Variants in EIF5 observed in about 807,000 individuals in gnomAD.
The protein encoded by EIF5 is eukaryotic translation initiation factor 5.
In EIF5, 10 loss-of-function variants were observed where a neutral mutation model predicts 48.3. The ratio of observed to expected loss-of-function variants is 0.21; its 90% CI spans 0.13 to 0.35. EIF5 has a LOEUF of 0.35. Among genes scored for constraint, EIF5 ranks in the 10% least tolerant of loss-of-function variants. The probability of loss-of-function intolerance (pLI) is 1.00; values close to 1 mark genes in which losing one functional copy is unlikely to be tolerated. For missense variants in EIF5, 397 were observed against 533.2 expected, an observed-to-expected ratio of 0.74 and a Z score of 2.51; for synonymous variants, 237 against 173.1, an observed-to-expected ratio of 1.37 and a Z score of -2.90.
chr14:103,338,978 A>T (rs2089321601), intron 8 of EIF5, 85 bp downstream of exon 8: 2 of 1,528,208 alleles, frequency 1.3e-6, no homozygotes, highest in Non-Finnish European at 1.8e-6. Context: ...CAGTGTAATT[A>T]GGATTACTCT....
rs61730315 is a variant in EIF5 at position 103,338,455 on chromosome 14, C to T, written c.568C>T (p.Pro190Ser). The change falls in exon 7 of 12, where the codon CCT becomes TCT. Residue 190 changes from proline (P) to serine (S), a missense_variant. Physicochemically the swap from Pro to Ser is moderately conservative, Grantham distance 74 (BLOSUM62 -1). Around this residue, in one of 4 missense-constraint regions of EIF5, gnomAD observed 126 missense variants for 141.9 expected, o/e 0.89. Transcript: ENST00000216554. ...ACCACCACCACCAAATGAAATTAAT[C>T]CTCCTCCACATACAATGGTGAGTGC... ...PPPPPPNEINPPPHTMEEEED... is the reference protein window; with the variant it reads ...PPPPPPNEINSPPHTMEEEED... 11 of 1,574,996 alleles carry T rather than the reference C, an allele frequency of 7.0e-6. No individual in the cohort carries two copies. The Admixed American group carries it at 1.5e-4, about 21-fold the overall frequency.
At chr14:103,337,568 C>T (rs2089302271) in intron 6 of EIF5, 3 of 352,252 alleles carry the variant, frequency 8.5e-6, no homozygotes, top group Non-Finnish European at 1.6e-5. Context: ...TGCCACTGCA[C>T]TCCAGCTTGG....
rs1010383211 is a variant in EIF5, at chr14:103,343,888, T to C, written c.*2836T>C. On this transcript the variant is annotated 3_prime_UTR_variant, in exon 12 of 12. Coordinates refer to ENST00000216554, the MANE Select transcript of EIF5 (RefSeq NM_001969.5). ...ATCCTTATCTAACCAGCTATTTTCT[T>C]AATTGCTACAGCTTGACCTACCAGT... 1 of 152,246 alleles carries C rather than the reference T, an allele frequency of 6.6e-6. No homozygotes were observed. The highest frequency in any genetic ancestry group is 6.5e-5 in the Admixed American group (1 of 15,282). The allele number at this position is 152,246 out of a possible 1,614,324, so 9.4% of individuals were successfully genotyped here. A position where few individuals can be genotyped will look rare whatever the true frequency, so the allele number is the denominator to read the frequency against.
Position 103,344,285 on chromosome 14 carries a change from A to G in EIF5, c.*3233A>G, listed in dbSNP as rs913179413. 2.0e-5 allele frequency: 3 copies of G among 152,130 alleles called. No homozygotes were observed. The highest frequency in any genetic ancestry group is 7.2e-5 in the African/African-American group (3 of 41,408). 9.4% of individuals were successfully genotyped at this position (152,130 alleles called of 1,614,324 possible). On this transcript the variant is annotated 3_prime_UTR_variant, in exon 12 of 12. Coordinates refer to ENST00000216554, the MANE Select transcript of EIF5 (RefSeq NM_001969.5). The stretch of plus-strand genomic sequence containing the variant: ...CAAACAGTTTTTTTCTGGGAATCAA[A>G]TTTCTGTGGTTTTTATGGCCAGAAA...
chr14:103,344,170 CATT>C lies in EIF5; in HGVS notation c.*3119_*3121del, dbSNP rs1309573095. On this transcript the variant is annotated 3_prime_UTR_variant, in exon 12 of 12. Coordinates refer to ENST00000216554, the MANE Select transcript of EIF5 (RefSeq NM_001969.5). ...ACAGCAAATGACTTGCAGGTAGTCTCATTGTAGGTTTGTGCACCAGAGTGACCC... is the reference window on the plus strand; with the variant it reads ...ACAGCAAATGACTTGCAGGTAGTCTCGTAGGTTTGTGCACCAGAGTGACCC... 1.3e-5 allele frequency: 2 copies of C among 152,184 alleles called. No homozygotes were observed. The highest frequency in any genetic ancestry group is 2.9e-5 in the Non-Finnish European group (2 of 68,054). 9.4% of individuals were successfully genotyped at this position (152,184 alleles called of 1,614,324 possible). A position where few individuals can be genotyped will look rare whatever the true frequency, so the allele number is the denominator to read the frequency against.
chr14:103,338,702 CCTT>C (rs755013187), intron 7 of EIF5, 30 bp from the exon 8 acceptor site: 1 of 1,601,678 alleles, frequency 6.2e-7, no homozygotes, highest in Non-Finnish European at 8.5e-7. Flanking sequence ...GTTTTTAAGG[CCTT>C]TGATCAAGTA....
chr14:103,336,370 CAGG>C (rs1440899997), intron 4 of EIF5: 1 of 580,216 alleles, frequency 1.7e-6, no homozygotes, highest in African/African-American at 1.9e-5. Context: ...ATCGCGAGGT[CAGG>C]AGTTCTAGAC....
In EIF5 at chr14:103,339,590, A is replaced by G. The variant is rs765181042; in HGVS notation, c.907-49A>G. The G allele has an allele frequency of 5.0e-6, 8 of 1,611,234 alleles. 1 individual carries two copies. The South Asian group carries it at 5.5e-5, about 11-fold the overall frequency. ...TCTTATTTGGGTAATAGAGTTGTCA[A>G]CTTAGAACACATAAAAAAGATTGTT... is the stretch of plus-strand genomic sequence containing the variant. On this transcript the variant is annotated intron_variant, in intron 9 of 11. Transcript: ENST00000216554.
chr14:103,340,916 A>G (rs771191509), intron 11 of EIF5, 47 bp from the exon 12 acceptor site: 2 of 1,575,014 alleles, frequency 1.3e-6, no homozygotes, highest in South Asian at 1.1e-5. Flanking sequence ...TTTGTTTTAT[A>G]AACAGATTTA....
rs751605177 is a variant in EIF5, at chr14:103,335,951, A to G, written c.72+19A>G. 6.2e-7 allele frequency: 1 copy of G among 1,614,100 alleles called. No individual in the cohort carries two copies. Among genetic ancestry groups the G allele is most frequent in the Non-Finnish European group, 8.5e-7 (1 of 1,179,964 alleles). ...TGCCAAGGTAATAAACTGCTCTTCA[A>G]TTTAGTTGATAGCTCTTTTTGTAGA... On this transcript the variant is annotated intron_variant, in intron 3 of 11. Coordinates refer to ENST00000216554, the MANE Select transcript of EIF5 (RefSeq NM_001969.5).
chr14:103,334,506 C>CCGCCTCCTCGGA lies in EIF5; in HGVS notation c.-299_-298insGCCTCCTCGGAC, dbSNP rs1555362101. ...TCCTCGCTGCGCTTCGCCTCCGCCT[C>CCGCCTCCTCGGA]CTCGGACTCGGACTCGGGTTTATAT... On this transcript the variant is annotated 5_prime_UTR_variant, in exon 2 of 12. Transcript: ENST00000216554. 6.6e-6 allele frequency: 1 copy of CCGCCTCCTCGGA among 151,936 alleles called. No homozygotes were observed. The highest frequency in any genetic ancestry group is 1.5e-5 in the Non-Finnish European group (1 of 67,954). 9.4% of individuals were successfully genotyped at this position (151,936 alleles called of 1,614,324 possible).
intron 3 of EIF5, 38 bp downstream of exon 3, chr14:103,335,970 T>C (rs771686469): frequency 3.7e-6 from 6 of 1,614,058 alleles, no homozygotes; most frequent in African/African-American, 2.7e-5. Flanking sequence ...ATAGCTCTTT[T>C]TGTAGAATTT....
rs1279464743 is a variant in EIF5 at position 103,338,319 on chromosome 14, T to A, written c.440-8T>A. 1.2e-6 allele frequency: 2 copies of A among 1,609,818 alleles called. No individual in the cohort carries two copies. Among genetic ancestry groups the A allele is most frequent in the African/African-American group, 1.3e-5 (1 of 74,376 alleles). ...GGGTTAAATTTTTATTTCCCTTTTT[T>A]TCTGTAGAGAATAGTGACAGTGGTA... is the stretch of plus-strand genomic sequence containing the variant. On this transcript the variant is annotated splice_region_variant and splice_polypyrimidine_tract_variant and intron_variant, in intron 6 of 11. Coordinates refer to ENST00000216554, the MANE Select transcript of EIF5 (RefSeq NM_001969.5).
intron 10 of EIF5, among the ~76,000 whole-genome samples, chr14:103,340,156 C>G (rs1412794366): frequency 6.6e-6 from 1 of 152,150 alleles, no homozygotes; most frequent in Non-Finnish European, 1.5e-5. Flanking sequence ...CAGCCGTTCA[C>G]AAGTATTGAG....
intron 8 of EIF5, 69 bp downstream of exon 8, chr14:103,338,962 C>A: frequency 6.4e-7 from 1 of 1,557,030 alleles, no homozygotes; most frequent in Admixed American, 2.0e-5. Context: ...ATATATGATA[C>A]TTTAGCAGTG....
rs765840338 is a variant in EIF5, at chr14:103,343,757, C to T, written c.*2705C>T. 4 of 152,220 alleles carry T rather than the reference C, an allele frequency of 2.6e-5. No homozygotes were observed. The highest frequency in any genetic ancestry group is 5.9e-5 in the Non-Finnish European group (4 of 68,042). The allele number at this position is 152,220 out of a possible 1,614,324, so 9.4% of individuals were successfully genotyped here. On this transcript the variant is annotated 3_prime_UTR_variant, in exon 12 of 12. Coordinates refer to ENST00000216554, the MANE Select transcript of EIF5 (RefSeq NM_001969.5). ...ACCTTTTGCATTTTGTTAGCTCAGT[C>T]AGTCCTCATCGTGGTCCTGAGGCAT...
chr14:103,337,781 C>T (rs1217226461), intron 6 of EIF5: 1 of 453,758 alleles, frequency 2.2e-6, no homozygotes, highest in Non-Finnish European at 4.3e-6. Context: ...CTGCTGGAAA[C>T]CCAGCAAAGT....
In EIF5 at chr14:103,336,843, A is replaced by G. The variant is rs2089292450; in HGVS notation, c.321A>G (p.Thr107=). 3 of 1,612,344 alleles carry G rather than the reference A, an allele frequency of 1.9e-6. No individual in the cohort carries two copies. The highest frequency in any genetic ancestry group is 2.2e-5 in the East Asian group (1 of 44,866). ...GTCCTGAATGTGAGAATCCTGAAAC[A>G]GATTTGGTAAGTGCTTTTGTGGTTG... The part of the protein sequence containing the change: ...VLCPECENPE[T]DLHVNPKKQT... Residue 107 remains threonine (T), a synonymous_variant, in exon 5 of 12, where the codon ACA becomes ACG. Transcript: ENST00000216554.
chr14:103,334,916 C>T (rs1364114465), intron 2 of EIF5: 5 of 152,296 alleles, frequency 3.3e-5, no homozygotes, highest in Admixed American at 6.5e-5. Context: ...GGCTGTGCAC[C>T]CTCCGGGGCC....
Sources: allele counts gnomAD v4.1 joint callset (sites outside exome capture counted in the v4.1 genomes callset), GRCh38; gene constraint gnomAD v4.1.1; regional missense constraint gnomAD v4.1.1; transcripts MANE v1.5; gene names NCBI Gene and HGNC (gene_info 2026-07-23, HGNC 2026-07-21).